Variants in ITGAV observed in about 807,000 individuals in gnomAD.
The protein encoded by ITGAV is integrin subunit alpha V.
In ITGAV, 76 loss-of-function variants were observed where a neutral mutation model predicts 143.8. That is an observed-to-expected ratio of 0.53 (90% CI 0.44 to 0.64). The LOEUF (loss-of-function observed/expected upper bound fraction) is 0.64, where lower values mean the gene tolerates loss of function less well. Among genes scored for constraint, ITGAV ranks in the 30% least tolerant of loss-of-function variants. The pLI is 0.00. For synonymous variants in ITGAV, 453 were observed against 446.7 expected, an observed-to-expected ratio of 1.01 and a Z score of -0.18; for missense variants, 1,193 against 1,274.7, an observed-to-expected ratio of 0.94 and a Z score of 0.98.
At chr2:186,600,227 A>G (rs1167969290) in intron 1 of ITGAV, 3 of 1,029,788 alleles carry the variant, frequency 2.9e-6, no homozygotes, top group Admixed American at 2.4e-5. Context: ...TGGAGATTCA[A>G]TTCTTTCTTG....
At chr2:186,595,795 C>G (rs182053282) in intron 1 of ITGAV, among the ~76,000 whole-genome samples, 11 of 152,148 alleles carry the variant, frequency 7.2e-5, no homozygotes, top group African/African-American at 2.6e-4. Flanking sequence ...GAAATTAAGT[C>G]ACTCAGCTTC....
At chr2:186,660,386 C>T (rs900237361) in intron 18 of ITGAV, 4 of 152,090 alleles carry the variant, frequency 2.6e-5, no homozygotes, top group Non-Finnish European at 5.9e-5. Context: ...TTTTGGTCTC[C>T]TCTGTGTCCT....
At chr2:186,662,861 A>T (rs914619862) in intron 18 of ITGAV, among the ~76,000 whole-genome samples, 2 of 152,108 alleles carry the variant, frequency 1.3e-5, no homozygotes, top group Admixed American at 6.6e-5. Flanking sequence ...TACAATCATC[A>T]TCCTTTTTTT....
At chr2:186,645,193 A>T (rs959735582) in intron 12 of ITGAV, among the ~76,000 whole-genome samples, 2 of 152,128 alleles carry the variant, frequency 1.3e-5, no homozygotes, top group Admixed American at 6.5e-5. Context: ...CGGGATAGAG[A>T]GGGTGATAGA....
intron 25 of ITGAV, 100 bp from the exon 26 acceptor site, chr2:186,669,601 T>C: frequency 2.6e-6 from 2 of 758,360 alleles, no homozygotes; most frequent in East Asian, 5.4e-5. Flanking sequence ...AAATTTTCAT[T>C]CACTATTTTT....
At chr2:186,643,862 A>T (rs1224211587) in intron 12 of ITGAV, among the ~76,000 whole-genome samples, 1 of 152,244 alleles carries the variant, frequency 6.6e-6, no homozygotes, top group Admixed American at 6.5e-5. Flanking sequence ...TGAAACGTTT[A>T]GGAAAGTTAC....
intron 2 of ITGAV, among the ~76,000 whole-genome samples, chr2:186,611,352 A>G (rs1165520058): frequency 6.6e-6 from 1 of 152,138 alleles, no homozygotes; most frequent in African/African-American, 2.4e-5. Flanking sequence ...CGCCTACCAC[A>G]GTGCCCTTTT....
At position 186,590,214 on chromosome 2, in the gene ITGAV, C is replaced by A; in HGVS notation, c.-125C>A. 1.3e-6 allele frequency: 1 copy of A among 789,498 alleles called. No homozygotes were observed. The highest frequency in any genetic ancestry group is 1.8e-6 in the Non-Finnish European group (1 of 558,014). 48.9% of individuals were successfully genotyped at this position (789,498 alleles called of 1,614,324 possible). On this transcript the variant is annotated 5_prime_UTR_variant, in exon 1 of 30. Coordinates refer to ENST00000261023, the MANE Select transcript of ITGAV (RefSeq NM_002210.5). ...CTGCCCCGGAGCTGTCCCGGGCTAGCCGAGAAGAGAGCGGCCGGCAAGTTT... is the reference window on the plus strand; with the variant it reads ...CTGCCCCGGAGCTGTCCCGGGCTAGACGAGAAGAGAGCGGCCGGCAAGTTT...
At chr2:186,676,085 T>C in intron 28 of ITGAV, 158 bp downstream of exon 28, 1 of 585,032 alleles carries the variant, frequency 1.7e-6, no homozygotes, top group South Asian at 2.3e-5. Flanking sequence ...TATTATCATT[T>C]TACTCCTTAC....
At chr2:186,606,711 T>C (rs1687075692) in intron 2 of ITGAV, among the ~76,000 whole-genome samples, 1 of 152,174 alleles carries the variant, frequency 6.6e-6, no homozygotes, top group Admixed American at 6.5e-5. Context: ...GTCACATCTT[T>C]CTCTCTTCTT....
intron 2 of ITGAV, among the ~76,000 whole-genome samples, chr2:186,621,701 T>C (rs976514279): frequency 1.3e-5 from 2 of 152,200 alleles, no homozygotes; most frequent in Middle Eastern, 3.2e-3. Context: ...TAAACTTATA[T>C]TGGTAAGAAT....
chr2:186,667,720 A>G lies in ITGAV; in HGVS notation c.2377A>G (p.Lys793Glu). Reference protein sequence around the residue: ...VFLPIPNWEHKENPETEEDVG... With the variant: ...VFLPIPNWEHEENPETEEDVG... The stretch of plus-strand genomic sequence containing the variant: ...TCTTCCGATTCCAAACTGGGAGCAC[A>G]AGGAGAACCCTGAGACTGAAGAAGA... Residue 793 changes from lysine (K) to glutamate (E), a missense_variant, in exon 24 of 30, where the codon AAG (lysine) becomes GAG (glutamate). Physicochemically the swap from Lys to Glu is moderately conservative, Grantham distance 56. Transcript: ENST00000261023. The G allele has an allele frequency of 6.2e-7, 1 of 1,611,626 alleles. No homozygotes were observed.
chr2:186,595,595 C>T (rs1356909357), intron 1 of ITGAV, among the ~76,000 whole-genome samples: 1 of 151,942 alleles, frequency 6.6e-6, no homozygotes, highest in Non-Finnish European at 1.5e-5. Flanking sequence ...CTCTCCCAAA[C>T]TCAATCCTTT....
chr2:186,669,602 C>T, intron 25 of ITGAV, 99 bp from the exon 26 acceptor site: 1 of 763,554 alleles, frequency 1.3e-6, no homozygotes, highest in Non-Finnish European at 2.2e-6. Flanking sequence ...AATTTTCATT[C>T]ACTATTTTTT....
At chr2:186,625,678 T>TGAGA (rs1553501192) in intron 4 of ITGAV, 91 bp downstream of exon 4, 43 of 453,184 alleles carry the variant, frequency 9.5e-5, no homozygotes, top group African/African-American at 3.9e-4. Context: ...TGTGTGTGTG[T>TGAGA]GAGAGAGAGA....
At chr2:186,619,916 C>T (rs563884759) in intron 2 of ITGAV, among the ~76,000 whole-genome samples, 15 of 151,826 alleles carry the variant, frequency 9.9e-5, no homozygotes, top group Middle Eastern at 6.8e-3. Context: ...CGCTTGAACT[C>T]GGGAGGTGGA....
rs1259573237 is a variant in ITGAV, at chr2:186,680,229, ATAATT to A, written c.*2941_*2945del. 6.6e-6 allele frequency: 1 copy of A among 152,130 alleles called. No homozygotes were observed. Among genetic ancestry groups the A allele is most frequent in the Non-Finnish European group, 1.5e-5 (1 of 67,976 alleles). The allele number at this position is 152,130 out of a possible 1,614,324, so 9.4% of individuals were successfully genotyped here. ...GCTTGTATATGTAGTAGTTTGATGA[ATAATT>A]TAAAGAAAAACACCTAAAATTTGAA... On this transcript the variant is annotated 3_prime_UTR_variant, in exon 30 of 30. Coordinates refer to ENST00000261023, the MANE Select transcript of ITGAV (RefSeq NM_002210.5).
At chr2:186,639,252 A>G (rs1688037946) in intron 10 of ITGAV, among the ~76,000 whole-genome samples, 1 of 152,342 alleles carries the variant, frequency 6.6e-6, no homozygotes, top group South Asian at 2.1e-4. Context: ...ATAAACATTT[A>G]AACAGTAGGT....
At chr2:186,667,040 A>G (rs780297483) in intron 22 of ITGAV, 110 bp from the exon 23 acceptor site, 5 of 694,652 alleles carry the variant, frequency 7.2e-6, no homozygotes, top group African/African-American at 1.8e-5. Flanking sequence ...TTTGAGGTAT[A>G]AGCTTTACAC....
Sources: allele counts gnomAD v4.1 joint callset (sites outside exome capture counted in the v4.1 genomes callset), GRCh38; gene constraint gnomAD v4.1.1; transcripts MANE v1.5; gene names NCBI Gene and HGNC (gene_info 2026-07-23, HGNC 2026-07-21).